Variants in PITPNM3 observed in about 807,000 individuals in gnomAD.
PITPNM3 encodes membrane-associated phosphatidylinositol transfer protein 3.
PITPNM3 carries 26 observed loss-of-function variants against 102.0 expected under a neutral mutation model. The ratio of observed to expected loss-of-function variants is 0.25; its 90% CI spans 0.19 to 0.35. The LOEUF (loss-of-function observed/expected upper bound fraction) is 0.35. PITPNM3 is among the 10% of genes least tolerant of loss of function. PITPNM3 has a pLI of 1.00. For missense variants in PITPNM3, 1,083 were observed against 1,346.1 expected (o/e 0.80, Z 3.06); for synonymous variants, 578 against 558.6 (o/e 1.03, Z -0.49).
At position 6,453,138 on chromosome 17, in the gene PITPNM3, TCTCTCC is replaced by T. The variant is rs1430739192; in HGVS notation, c.*2194_*2199del. ...CTTTCTCTCTCCCTCTCTCTCTCTC[TCTCTCC>T]CTCTCTCTCTTTCTCTCTCCCTCTC... is the stretch of plus-strand genomic sequence containing the variant. On this transcript the variant is annotated 3_prime_UTR_variant, in exon 20 of 20. Coordinates refer to ENST00000262483, the MANE Select transcript of PITPNM3 (RefSeq NM_031220.4). 4 of 140,826 alleles carry T rather than the reference TCTCTCC, an allele frequency of 2.8e-5. No homozygotes were observed. The highest frequency in any genetic ancestry group is 1.4e-4 in the Admixed American group (2 of 14,668). The allele number at this position is 140,826 out of a possible 1,614,324, so 8.7% of individuals were successfully genotyped here.
rs1346233060 is a variant in PITPNM3, at chr17:6,459,730, C to T, written c.2490+1643G>A. ...TATATTGGTGAGCAGAACGGACAGG[C>T]TCTGCCTCCATGGAGACCTTGGTCA... On this transcript the variant is annotated intron_variant, in intron 18 of 19. Coordinates refer to ENST00000262483, the MANE Select transcript of PITPNM3 (RefSeq NM_031220.4). The surrounding 1 kb of genome is among the most constrained non-coding windows in gnomAD (Gnocchi z 5.0). 6.6e-6 allele frequency among the ~76,000 whole-genome samples: 1 copy of T among 152,186 alleles called. No homozygotes were observed. Among genetic ancestry groups the T allele is most frequent in the African/African-American group, 2.4e-5 (1 of 41,446 alleles).
In PITPNM3 at chr17:6,551,571, A is replaced by G. The variant is rs1320354001; in HGVS notation, c.22+4814T>C. On this transcript the variant is annotated intron_variant, in intron 1 of 19. Transcript: ENST00000262483. ...CCTCAAATCCTCTGGCACCTCCCCA[A>G]AGATTTAAGAATCCCAGCGTTGTCC... Among the ~76,000 whole-genome samples the G allele has an allele frequency of 2.0e-5, 3 of 152,016 alleles. No individual in the cohort carries two copies. In the East Asian group the frequency reaches 5.8e-4, roughly 29 times the overall value.
intron 6 of PITPNM3, chr17:6,480,728 A>G (rs1000393562): frequency 2.2e-4 from 34 of 152,332 alleles, no homozygotes; most frequent in African/African-American, 8.0e-4. Context: ...CCGAATGCCT[A>G]TAGGATTTGG....
chr17:6,548,553 T>C (rs1172534366), intron 1 of PITPNM3, among the ~76,000 whole-genome samples: 1 of 152,060 alleles, frequency 6.6e-6, no homozygotes, highest in Non-Finnish European at 1.5e-5. Context: ...AAAGGAGTTC[T>C]GTTGAGGGTA....
chr17:6,473,931 C>G (rs538620457), intron 10 of PITPNM3, among the ~76,000 whole-genome samples: 1 of 143,530 alleles, frequency 7.0e-6, no homozygotes, highest in Non-Finnish European at 1.5e-5. Context: ...GAGCTGAGAT[C>G]GCGCCACTGC....
At chr17:6,552,628 T>G (rs560902279) in intron 1 of PITPNM3, among the ~76,000 whole-genome samples, 39 of 152,226 alleles carry the variant, frequency 2.6e-4, no homozygotes, top group Admixed American at 2.1e-3. Flanking sequence ...TTTGGGCACT[T>G]CCTACCCACC....
intron 3 of PITPNM3, among the ~76,000 whole-genome samples, chr17:6,516,243 G>A (rs60420291): frequency 0.062 from 9,452 of 152,208 alleles, 646 homozygotes; most frequent in East Asian, 0.16. Context: ...ACAAGGTAAC[G>A]TGTGGTTAGA....
At position 6,556,233 on chromosome 17, in the gene PITPNM3, C is replaced by A. The variant is rs1023402229; in HGVS notation, c.22+152G>T. ...GGGCGCGCGGAGCCCCCTCTCCACGCGCGGGAGGTCCAGCCCCGCTACCGC... is the reference window on the plus strand; with the variant it reads ...GGGCGCGCGGAGCCCCCTCTCCACGAGCGGGAGGTCCAGCCCCGCTACCGC... On this transcript the variant is annotated intron_variant, in intron 1 of 19. Transcript: ENST00000262483. The surrounding 1 kb of genome is among the most constrained non-coding windows in gnomAD (Gnocchi z 5.2). 7 of 469,724 alleles carry A rather than the reference C, an allele frequency of 1.5e-5. No individual in the cohort carries two copies. Among genetic ancestry groups the A allele is most frequent in the Non-Finnish European group, 1.9e-5 (6 of 309,716 alleles). 29.1% of individuals were successfully genotyped at this position (469,724 alleles called of 1,614,324 possible). A position where few individuals can be genotyped will look rare whatever the true frequency, so the allele number is the denominator to read the frequency against.
At chr17:6,534,779 G>A (rs1428075909) in intron 2 of PITPNM3, among the ~76,000 whole-genome samples, 2 of 152,130 alleles carry the variant, frequency 1.3e-5, no homozygotes, top group Non-Finnish European at 2.9e-5. Context: ...TTTTGTATCA[G>A]TTGAGGTGGG....
intron 3 of PITPNM3, among the ~76,000 whole-genome samples, chr17:6,514,090 C>T (rs1908015042): frequency 6.6e-6 from 1 of 152,114 alleles, no homozygotes; most frequent in Non-Finnish European, 1.5e-5. Flanking sequence ...ACTCCTAGCT[C>T]ACACCATACA....
chr17:6,487,534 CTGGG>C (rs1437206032), intron 4 of PITPNM3, among the ~76,000 whole-genome samples: 1 of 152,200 alleles, frequency 6.6e-6, no homozygotes, highest in African/African-American at 2.4e-5. Flanking sequence ...CTCGGCCTTG[CTGGG>C]CTGGGCGCCT....
intron 2 of PITPNM3, among the ~76,000 whole-genome samples, chr17:6,528,372 C>T (rs890116717): frequency 2.2e-4 from 33 of 152,098 alleles, no homozygotes; most frequent in African/African-American, 8.0e-4. Flanking sequence ...GGTCCCTGTC[C>T]TCAGGATCTC....
intron 1 of PITPNM3, among the ~76,000 whole-genome samples, chr17:6,554,545 G>T (rs1290744489): frequency 6.6e-6 from 1 of 152,146 alleles, no homozygotes; most frequent in Admixed American, 6.5e-5. Context: ...TGTTAGAACA[G>T]CACAAGGCAT....
intron 4 of PITPNM3, among the ~76,000 whole-genome samples, chr17:6,492,687 T>A (rs1906567610): frequency 6.6e-6 from 1 of 151,780 alleles, no homozygotes; most frequent in Non-Finnish European, 1.5e-5. Flanking sequence ...TGAAACCCCG[T>A]CTCTACTAAA....
chr17:6,556,158 G>T lies in PITPNM3; in HGVS notation c.22+227C>A, dbSNP rs916949718. ...TGGCCCTTTCCGGCGGGGCCGTGGA[G>T]AAGGGGACGCGGTGTCCCCCGAGGT... On this transcript the variant is annotated intron_variant, in intron 1 of 19. Transcript: ENST00000262483. This position sits in a 1 kb window ranked among gnomAD's most constrained non-coding sequence, Gnocchi z 5.2. 6.6e-4 allele frequency among the ~76,000 whole-genome samples: 100 copies of T among 152,048 alleles called. 1 individual carries two copies. The highest frequency in any genetic ancestry group is 2.1e-3 in the African/African-American group (88 of 41,528).
At position 6,477,969 on chromosome 17, in the gene PITPNM3, CTGTACCTGGG is replaced by C; in HGVS notation, c.896_900+5del. ...CCCCTCCCGCGGTCCTGTCCCCCGG[CTGTACCTGGG>C]TGCTGCTGATGCTCCCCTTCCGGCT... On this transcript the variant is annotated splice_donor_variant and splice_donor_5th_base_variant and coding_sequence_variant and intron_variant, in exon 8 of 20. Coordinates refer to ENST00000262483, the MANE Select transcript of PITPNM3 (RefSeq NM_031220.4). LOFTEE classifies it high-confidence loss of function. The C allele has an allele frequency of 6.2e-7, 1 of 1,612,376 alleles. No individual in the cohort carries two copies. The highest frequency in any genetic ancestry group is 8.5e-7 in the Non-Finnish European group (1 of 1,180,002).
chr17:6,523,942 G>A (rs1908681174), intron 3 of PITPNM3, among the ~76,000 whole-genome samples: 1 of 152,204 alleles, frequency 6.6e-6, no homozygotes, highest in African/African-American at 2.4e-5. Flanking sequence ...CCTGGACTGG[G>A]AATCAGAAGA....
At chr17:6,531,147 T>G (rs924209336) in intron 2 of PITPNM3, among the ~76,000 whole-genome samples, 1 of 152,222 alleles carries the variant, frequency 6.6e-6, no homozygotes, top group Admixed American at 6.5e-5. Context: ...ATTTCCAATA[T>G]CCAAATAATT....
chr17:6,461,292 G>A (rs1251792072), intron 18 of PITPNM3, 81 bp downstream of exon 18: 31 of 1,502,948 alleles, frequency 2.1e-5, no homozygotes, highest in Admixed American at 1.3e-4. Flanking sequence ...GGCCCCACCC[G>A]GGAGGAGGGA....
Sources: gnomAD v4.1 joint callset for allele counts (sites outside exome capture counted in the v4.1 genomes callset) on GRCh38, gnomAD v4.1.1 for gene constraint, Gnocchi (gnomAD v3.1) non-coding constraint, MANE v1.5 for transcripts, NCBI Gene and HGNC (gene_info 2026-07-23, HGNC 2026-07-21) for gene names.